ZFAT: variants seen among roughly 807,000 people sequenced by gnomAD.
The protein encoded by ZFAT is zinc finger protein ZFAT.
In ZFAT, 64 loss-of-function variants were observed where a neutral mutation model predicts 117.7. That is an observed-to-expected ratio of 0.54 (90% CI 0.44 to 0.67). ZFAT has a LOEUF of 0.67. Among genes scored for constraint, ZFAT ranks in the 30% least tolerant of loss-of-function variants. The pLI is 0.00. For synonymous variants in ZFAT, 679 were observed against 615.0 expected, an observed-to-expected ratio of 1.10 and a Z score of -1.54; for missense variants, 1,433 against 1,584.5, an observed-to-expected ratio of 0.90 and a Z score of 1.62.
chr8:134,522,591 C>T (rs961522890), intron 12 of ZFAT, among the ~76,000 whole-genome samples: 3 of 152,310 alleles, frequency 2.0e-5, no homozygotes, highest in African/African-American at 7.2e-5. Flanking sequence ...CCAAAACTTA[C>T]AACTTTTATT....
chr8:134,478,423 C>T lies in ZFAT; in HGVS notation c.*59G>A, dbSNP rs1377291951. 1.3e-6 allele frequency: 2 copies of T among 1,525,936 alleles called. No individual in the cohort carries two copies. The highest frequency in any genetic ancestry group is 1.8e-6 in the Non-Finnish European group (2 of 1,133,650). 94.5% of individuals were successfully genotyped at this position (1,525,936 alleles called of 1,614,324 possible). ...AGGGCAGGAAGGGTGGCCTCCCCAC[C>T]CTGGGTGCCTGCAGAGCCTGGCAGC... On this transcript the variant is annotated 3_prime_UTR_variant, in exon 16 of 16. Transcript: ENST00000377838. The surrounding 1 kb of genome is among the most constrained non-coding windows in gnomAD (Gnocchi z 5.2).
intron 2 of ZFAT, among the ~76,000 whole-genome samples, chr8:134,650,627 T>C (rs1005535368): frequency 2.6e-5 from 4 of 152,188 alleles, no homozygotes; most frequent in Admixed American, 1.3e-4. Context: ...AAGAACAAAG[T>C]TGGAAGATTC....
rs558322038 is a variant in ZFAT, at chr8:134,675,461, GATCAA to G, written c.20-17729_20-17725del. The stretch of plus-strand genomic sequence containing the variant: ...CAAGAAATATGGGACTACGTGAAAA[GATCAA>G]ATCTACGTTTGATTGGTATACCTGA... On this transcript the variant is annotated intron_variant, in intron 1 of 15. Coordinates refer to ENST00000377838, the MANE Select transcript of ZFAT (RefSeq NM_020863.4). Among the ~76,000 whole-genome samples, 16 of 152,318 alleles carry G rather than the reference GATCAA, an allele frequency of 1.1e-4. No homozygotes were observed. In the South Asian group the frequency reaches 3.3e-3, roughly 32 times the overall value.
intron 4 of ZFAT, 112 bp from the exon 5 acceptor site, chr8:134,608,991 C>T: frequency 7.8e-7 from 1 of 1,276,144 alleles, no homozygotes; most frequent in African/African-American, 1.5e-5. Context: ...TGTCTGATAC[C>T]CACGCAAGAT....
At chr8:134,809,118 A>G in the ZFAT span, among the ~76,000 whole-genome samples, 1 of 152,130 alleles carries the variant, frequency 6.6e-6, no homozygotes, top group Non-Finnish European at 1.5e-5. Context: ...TTTCTCCACA[A>G]TTCTGAACCA....
the ZFAT span, among the ~76,000 whole-genome samples, chr8:134,819,496 A>ACCCCCCCCCCCCCCCCCCCC: frequency 1.5e-4 from 6 of 39,338 alleles, no homozygotes; most frequent in Admixed American, 3.6e-4. Context: ...CGGATTTACC[A>ACCCCCCCCCCCCCCCCCCCC]CCCCCCCCCC....
chr8:134,760,263 G>A, the ZFAT span, among the ~76,000 whole-genome samples: 5 of 110,214 alleles, frequency 4.5e-5, no homozygotes, highest in African/African-American at 1.5e-4. Context: ...GGGAGACTCC[G>A]TCTCAAAAAG....
chr8:134,560,561 T>C (rs1162717707), intron 11 of ZFAT, among the ~76,000 whole-genome samples: 1 of 152,218 alleles, frequency 6.6e-6, no homozygotes, highest in East Asian at 1.9e-4. Context: ...AGGAGCCAAA[T>C]GAGAAAGAAC....
chr8:134,526,265 A>T (rs1409471662), intron 12 of ZFAT, among the ~76,000 whole-genome samples: 1 of 152,208 alleles, frequency 6.6e-6, no homozygotes, highest in Non-Finnish European at 1.5e-5. Context: ...ATTAATTAAA[A>T]CTTCAGCCTT....
At chr8:134,712,797 C>A in intron 1 of ZFAT, 48 bp downstream of exon 1, 1 of 1,352,828 alleles carries the variant, frequency 7.4e-7, no homozygotes, top group South Asian at 1.3e-5. Context: ...CGCGCCGCGC[C>A]GCGCCCCACC....
chr8:134,718,264 C>T, the ZFAT span, among the ~76,000 whole-genome samples: 4 of 151,860 alleles, frequency 2.6e-5, no homozygotes, highest in African/African-American at 4.8e-5. Flanking sequence ...TTTGGGAGGC[C>T]GAGGCAGGAG....
chr8:134,546,129 T>C (rs1258194843), intron 11 of ZFAT, among the ~76,000 whole-genome samples: 2 of 152,248 alleles, frequency 1.3e-5, no homozygotes, highest in African/African-American at 4.8e-5. Flanking sequence ...TTCTTTCATC[T>C]GTGTGATAAA....
At chr8:134,720,816 G>A in the ZFAT span, among the ~76,000 whole-genome samples, 1 of 152,240 alleles carries the variant, frequency 6.6e-6, no homozygotes, top group Non-Finnish European at 1.5e-5. Flanking sequence ...TCTTCTTGCT[G>A]CTGCCAAAGT....
chr8:134,647,199 T>C (rs1830947928), intron 2 of ZFAT, among the ~76,000 whole-genome samples: 1 of 152,170 alleles, frequency 6.6e-6, no homozygotes, highest in South Asian at 2.1e-4. Flanking sequence ...ATCTCTAAGA[T>C]GCAAGGCTGG....
intron 10 of ZFAT, among the ~76,000 whole-genome samples, chr8:134,571,041 A>G (rs1824854123): frequency 6.6e-6 from 1 of 152,170 alleles, no homozygotes; most frequent in South Asian, 2.1e-4. Flanking sequence ...GTGTCCATTC[A>G]CTCAGCGAGC....
chr8:134,534,635 G>A (rs1234201184), intron 11 of ZFAT, among the ~76,000 whole-genome samples: 2 of 147,440 alleles, frequency 1.4e-5, no homozygotes, highest in East Asian at 4.0e-4. Flanking sequence ...AGGACAGGGG[G>A]AGAGAGGGAG....
At chr8:134,759,612 A>AAG in the ZFAT span, among the ~76,000 whole-genome samples, 1 of 151,896 alleles carries the variant, frequency 6.6e-6, no homozygotes, top group Admixed American at 6.6e-5. Flanking sequence ...AGGAAAAAAA[A>AAG]AATCAAGAAA....
chr8:134,753,104 G>C, the ZFAT span, among the ~76,000 whole-genome samples: 2 of 152,274 alleles, frequency 1.3e-5, no homozygotes, highest in African/African-American at 4.8e-5. Flanking sequence ...AGGAGGCTGA[G>C]GTGGGAGGAT....
chr8:134,739,159 T>G, the ZFAT span, among the ~76,000 whole-genome samples: 1 of 152,238 alleles, frequency 6.6e-6, no homozygotes, highest in Non-Finnish European at 1.5e-5. Flanking sequence ...AGACCCCAGC[T>G]GGGTTTGCAA....
Sources: gnomAD v4.1 joint callset for allele counts (sites outside exome capture counted in the v4.1 genomes callset) on GRCh38, gnomAD v4.1.1 for gene constraint, Gnocchi (gnomAD v3.1) non-coding constraint, MANE v1.5 for transcripts, NCBI Gene and HGNC (gene_info 2026-07-23, HGNC 2026-07-21) for gene names.